GRB2: variants seen among roughly 807,000 people sequenced by gnomAD.
GRB2 encodes the protein growth factor receptor-bound protein 2.
A neutral mutation model predicts 27.4 loss-of-function variants in GRB2; 2 were observed. The ratio of observed to expected loss-of-function variants is 0.07; its 90% CI spans 0.03 to 0.23. The LOEUF (loss-of-function observed/expected upper bound fraction) is 0.23. Ranked by LOEUF, GRB2 falls within the 10% of genes least tolerant of loss-of-function variation. GRB2 has a pLI of 1.00. For missense variants in GRB2, 102 were observed against 282.4 expected (o/e 0.36, Z 4.58); for synonymous variants, 94 against 99.6 (o/e 0.94, Z 0.33).
At chr17:75,379,124 G>A (rs1253978683) in intron 2 of GRB2, among the ~76,000 whole-genome samples, 1 of 151,998 alleles carries the variant, frequency 6.6e-6, no homozygotes, top group African/African-American at 2.4e-5. Context: ...ATGTTTTATG[G>A]TACCCAGGAA....
chr17:75,369,428 A>G (rs2078841395), intron 2 of GRB2, among the ~76,000 whole-genome samples: 1 of 152,132 alleles, frequency 6.6e-6, no homozygotes, highest in South Asian at 2.1e-4. Flanking sequence ...GGCAAAATAT[A>G]AGAAGGCATA....
chr17:75,339,455 G>A (rs1205351625), intron 2 of GRB2, among the ~76,000 whole-genome samples: 1 of 151,452 alleles, frequency 6.6e-6, no homozygotes, highest in Admixed American at 6.6e-5. Flanking sequence ...GGCCTCCCAA[G>A]AGTTTATGTT....
chr17:75,326,928 C>G (rs1281377968), intron 3 of GRB2, among the ~76,000 whole-genome samples: 2 of 152,112 alleles, frequency 1.3e-5, no homozygotes, highest in African/African-American at 4.8e-5. Flanking sequence ...CTTTAGTTAT[C>G]ATTTTTAAAA....
At position 75,332,751 on chromosome 17, in the gene GRB2, T is replaced by C; in HGVS notation, c.125A>G (p.Asn42Ser). Residue 42 changes from asparagine (N) to serine (S), a missense_variant, in exon 3 of 6, where the codon AAT becomes AGT. This residue lies in a region of GRB2 where 45 missense variants were observed against 110.6 expected (regional missense o/e 0.41). Coordinates refer to ENST00000316804, the MANE Select transcript of GRB2 (RefSeq NM_002086.5). ...CDQNWYKAEL[N>S]GKDGFIPKNY... ...CTTGGGAATGAAGCCGTCTTTTCCA[T>C]TAAGCTCTGCCTTGTACCAGTTCTG... 6.2e-7 allele frequency: 1 copy of C among 1,612,690 alleles called. No individual in the cohort carries two copies. The highest frequency in any genetic ancestry group is 1.1e-5 in the South Asian group (1 of 90,906).
chr17:75,352,173 G>C (rs898549602), intron 2 of GRB2, among the ~76,000 whole-genome samples: 1 of 152,156 alleles, frequency 6.6e-6, no homozygotes, highest in Non-Finnish European at 1.5e-5. Context: ...AGCTCAGGAG[G>C]AGCAGGTTCA....
intron 2 of GRB2, among the ~76,000 whole-genome samples, chr17:75,380,391 TAA>T (rs1408792661): frequency 6.6e-6 from 1 of 151,710 alleles, no homozygotes; most frequent in Admixed American, 6.6e-5. Flanking sequence ...TATAGAAAGT[TAA>T]AGTTCTCCAT....
chr17:75,403,595 T>A lies in GRB2; in HGVS notation c.-138+1894A>T, dbSNP rs542809182. Among the ~76,000 whole-genome samples, 259 of 152,046 alleles carry A rather than the reference T, an allele frequency of 1.7e-3. 3 individuals carry two copies. Among genetic ancestry groups the A allele is most frequent in the African/African-American group, 5.3e-3 (218 of 41,438 alleles). On this transcript the variant is annotated intron_variant, in intron 1 of 5. Coordinates refer to ENST00000316804, the MANE Select transcript of GRB2 (RefSeq NM_002086.5). ...GCCTGGCCAACATGGTGAAACTCTG[T>A]CTTTACAAAAATACAAAAATTAGCC...
intron 2 of GRB2, chr17:75,373,442 A>G (rs755941975): frequency 5.3e-4 from 80 of 152,322 alleles, no homozygotes; most frequent in Non-Finnish European, 5.4e-4. Context: ...ACATTGAAAG[A>G]CAATTTAACT....
Position 75,319,316 on chromosome 17 carries a change from T to TAAAAAAA in GRB2, c.*1045_*1051dup, listed in dbSNP as rs10611022. On this transcript the variant is annotated 3_prime_UTR_variant, in exon 6 of 6. Coordinates refer to ENST00000316804, the MANE Select transcript of GRB2 (RefSeq NM_002086.5). Reference sequence around the variant, plus strand: ...TAACTTATTTTAAAACAAAACAAATTAAAAAAAAAAAAAAAACACCACTCA... The same window carrying TAAAAAAA: ...TAACTTATTTTAAAACAAAACAAATTAAAAAAAAAAAAAAAAAAAAAAACACCACTCA... 1 of 138,948 alleles carries TAAAAAAA rather than the reference T, an allele frequency of 7.2e-6. No homozygotes were observed. The highest frequency in any genetic ancestry group is 1.5e-5 in the Non-Finnish European group (1 of 65,128). The allele number at this position is 138,948 out of a possible 1,614,324, so 8.6% of individuals were successfully genotyped here. A position where few individuals can be genotyped will look rare whatever the true frequency, so the allele number is the denominator to read the frequency against.
intron 1 of GRB2, chr17:75,394,961 G>T (rs1038607959): frequency 6.6e-6 from 1 of 151,906 alleles, no homozygotes; most frequent in Non-Finnish European, 1.5e-5. Flanking sequence ...ATAAAGCCCC[G>T]TTCTGGTTAG....
At chr17:75,340,809 G>A in intron 2 of GRB2, among the ~76,000 whole-genome samples, 1 of 152,168 alleles carries the variant, frequency 6.6e-6, no homozygotes, top group East Asian at 1.9e-4. Context: ...TGGCAATGCT[G>A]CCTGCTATGC....
chr17:75,377,248 G>A (rs2078900038), intron 2 of GRB2, among the ~76,000 whole-genome samples: 1 of 152,040 alleles, frequency 6.6e-6, no homozygotes, highest in Non-Finnish European at 1.5e-5. Context: ...TTGAGCCCAG[G>A]AGTTCGAGGC....
In GRB2 at chr17:75,322,326, C is replaced by T. The variant is rs960076216; in HGVS notation, c.300-499G>A. Among the ~76,000 whole-genome samples the T allele has an allele frequency of 6.7e-5, 10 of 148,914 alleles. 1 individual carries two copies. The South Asian group carries it at 1.3e-3, about 19-fold the overall frequency. ...GGCCGAGGTTGTGGTGAGCTGAGAT[C>T]GCGCCATTGCACTCCAACCTGGGTA... On this transcript the variant is annotated intron_variant, in intron 4 of 5. Transcript: ENST00000316804.
At chr17:75,329,075 A>G (rs1388818646) in intron 3 of GRB2, among the ~76,000 whole-genome samples, 1 of 152,166 alleles carries the variant, frequency 6.6e-6, no homozygotes, top group Non-Finnish European at 1.5e-5. Flanking sequence ...ATATAAGTGT[A>G]TGCAGCATGC....
chr17:75,366,283 A>T (rs1264955495), intron 2 of GRB2, among the ~76,000 whole-genome samples: 1 of 150,842 alleles, frequency 6.6e-6, no homozygotes, highest in East Asian at 1.9e-4. Context: ...TCGACTGTGT[A>T]GGCTAGTATA....
chr17:75,373,660 A>T (rs2078870421), intron 2 of GRB2: 1 of 152,178 alleles, frequency 6.6e-6, no homozygotes, highest in Non-Finnish European at 1.5e-5. Context: ...ACACATCTTT[A>T]GCAAAGCTCT....
intron 2 of GRB2, among the ~76,000 whole-genome samples, chr17:75,353,409 A>G (rs2078706313): frequency 1.3e-5 from 2 of 151,990 alleles, no homozygotes; most frequent in African/African-American, 4.8e-5. Context: ...TCAAGGGTCA[A>G]CTGTACTTCC....
chr17:75,369,426 A>G (rs767072714), intron 2 of GRB2, among the ~76,000 whole-genome samples: 1 of 152,196 alleles, frequency 6.6e-6, no homozygotes, highest in African/African-American at 2.4e-5. Context: ...AAGGCAAAAT[A>G]TAAGAAGGCA....
At position 75,321,985 on chromosome 17, in the gene GRB2, G is replaced by A. The variant is rs61757940; in HGVS notation, c.300-158C>T. Among the ~76,000 whole-genome samples the A allele has an allele frequency of 4.7e-3, 716 of 152,238 alleles. 8 individuals are homozygous for A. Among genetic ancestry groups the A allele is most frequent in the African/African-American group, 0.016 (666 of 41,532 alleles). Reference sequence around the variant, plus strand: ...TTTCCTCACTGGGTGTCCCTGGGACGGACCTCTCCCTATGAATGATGGGCA... The same window carrying A: ...TTTCCTCACTGGGTGTCCCTGGGACAGACCTCTCCCTATGAATGATGGGCA... On this transcript the variant is annotated intron_variant, in intron 4 of 5. Coordinates refer to ENST00000316804, the MANE Select transcript of GRB2 (RefSeq NM_002086.5).
Sources: gnomAD v4.1 joint callset for allele counts (sites outside exome capture counted in the v4.1 genomes callset) on GRCh38, gnomAD v4.1.1 for gene constraint, gnomAD v4.1.1 regional missense constraint, MANE v1.5 for transcripts, NCBI Gene and HGNC (gene_info 2026-07-23, HGNC 2026-07-21) for gene names.